TRPC4: variants seen among roughly 807,000 people sequenced by gnomAD.
TRPC4 encodes short transient receptor potential channel 4.
TRPC4 carries 49 observed loss-of-function variants against 99.4 expected under a neutral mutation model. That is an observed-to-expected ratio of 0.49 (90% CI 0.39 to 0.63). The LOEUF is 0.63. Among genes scored for constraint, TRPC4 ranks in the 20% least tolerant of loss-of-function variants. The probability of loss-of-function intolerance (pLI) is 0.00; values close to 1 mark genes in which losing one functional copy is unlikely to be tolerated. For missense variants in TRPC4, 898 were observed against 1,152.9 expected (o/e 0.78, Z 3.20); for synonymous variants, 454 against 425.9 (o/e 1.07, Z -0.81).
intron 1 of TRPC4, among the ~76,000 whole-genome samples, chr13:37,855,740 T>C (rs1959168122): frequency 6.6e-6 from 1 of 151,864 alleles, no homozygotes; most frequent in Non-Finnish European, 1.5e-5. Flanking sequence ...TTTTGGAAAC[T>C]ATTCAAACAC....
At chr13:37,832,389 A>G (rs1204220199) in intron 1 of TRPC4, among the ~76,000 whole-genome samples, 3 of 152,060 alleles carry the variant, frequency 2.0e-5, no homozygotes, top group Non-Finnish European at 4.4e-5. Flanking sequence ...TAAAAATAAA[A>G]AAGAAAATTA....
intron 1 of TRPC4, among the ~76,000 whole-genome samples, chr13:37,847,762 C>G (rs182812704): frequency 2.0e-5 from 3 of 152,118 alleles, no homozygotes; most frequent in East Asian, 3.9e-4. Flanking sequence ...AAATACTGTA[C>G]GATCTCATTT....
chr13:37,756,094 G>A (rs1443813888), intron 2 of TRPC4, among the ~76,000 whole-genome samples: 1 of 151,990 alleles, frequency 6.6e-6, no homozygotes, highest in Non-Finnish European at 1.5e-5. Flanking sequence ...TTTATATAGA[G>A]TTATATTTAA....
chr13:37,792,758 T>A (rs923778488), intron 1 of TRPC4, among the ~76,000 whole-genome samples: 1 of 127,962 alleles, frequency 7.8e-6, no homozygotes, highest in Non-Finnish European at 1.8e-5. Flanking sequence ...TGTGTGTGTG[T>A]GTACGTGGAT....
intron 2 of TRPC4, among the ~76,000 whole-genome samples, chr13:37,748,795 A>C (rs149193421): frequency 6.6e-6 from 1 of 152,116 alleles, no homozygotes; most frequent in African/African-American, 2.4e-5. Flanking sequence ...AAAAAATAAC[A>C]GTGTAAAAGT....
At chr13:37,803,509 A>G (rs1377372561) in intron 1 of TRPC4, among the ~76,000 whole-genome samples, 1 of 152,120 alleles carries the variant, frequency 6.6e-6, no homozygotes, top group African/African-American at 2.4e-5. Flanking sequence ...GGTGAAGAGT[A>G]AACATATAAA....
intron 1 of TRPC4, among the ~76,000 whole-genome samples, chr13:37,812,611 A>G (rs2139484610): frequency 6.6e-6 from 1 of 152,244 alleles, no homozygotes; most frequent in South Asian, 2.1e-4. Flanking sequence ...AAAAATTAAA[A>G]GAGCATTATT....
intron 1 of TRPC4, among the ~76,000 whole-genome samples, chr13:37,825,113 G>T (rs1171079542): frequency 6.6e-6 from 1 of 151,716 alleles, no homozygotes; most frequent in Non-Finnish European, 1.5e-5. Flanking sequence ...GGGATCAGTG[G>T]TGATATCCCC....
chr13:37,839,069 G>A (rs762130460), intron 1 of TRPC4, among the ~76,000 whole-genome samples: 3 of 152,150 alleles, frequency 2.0e-5, no homozygotes, highest in African/African-American at 4.8e-5. Context: ...AGATTTCAAC[G>A]TAGTGACTAC....
chr13:37,727,439 A>G (rs1566124914), intron 3 of TRPC4, among the ~76,000 whole-genome samples: 1 of 152,044 alleles, frequency 6.6e-6, no homozygotes, highest in Non-Finnish European at 1.5e-5. Context: ...TAAGGGGGAA[A>G]TTTATGCCTA....
At chr13:37,831,191 G>A (rs575418545) in intron 1 of TRPC4, among the ~76,000 whole-genome samples, 1 of 151,900 alleles carries the variant, frequency 6.6e-6, no homozygotes, top group African/African-American at 2.4e-5. Context: ...TTCAATAATA[G>A]GAAAACAAAC....
At chr13:37,732,899 C>T (rs912850591) in intron 3 of TRPC4, among the ~76,000 whole-genome samples, 2 of 152,050 alleles carry the variant, frequency 1.3e-5, no homozygotes, top group African/African-American at 4.8e-5. Flanking sequence ...GAAGCAACTA[C>T]GGATTCAACT....
intron 3 of TRPC4, among the ~76,000 whole-genome samples, chr13:37,709,219 G>A (rs1275141404): frequency 6.6e-6 from 1 of 151,782 alleles, no homozygotes; most frequent in Non-Finnish European, 1.5e-5. Context: ...TTTGAGTTGA[G>A]GAATGGGAAC....
At chr13:37,699,450 T>C (rs993723906) in intron 3 of TRPC4, among the ~76,000 whole-genome samples, 1 of 152,196 alleles carries the variant, frequency 6.6e-6, no homozygotes, top group Admixed American at 6.5e-5. Flanking sequence ...AACTGAAGCA[T>C]AAGGGAATAC....
intron 1 of TRPC4, among the ~76,000 whole-genome samples, chr13:37,784,435 T>G (rs752155087): frequency 1.4e-4 from 21 of 152,228 alleles, no homozygotes; most frequent in Middle Eastern, 6.9e-3. Context: ...TCTGGTATCG[T>G]CCTAGTGATA....
intron 1 of TRPC4, among the ~76,000 whole-genome samples, chr13:37,827,744 C>A (rs978770468): frequency 1.3e-5 from 2 of 149,982 alleles, no homozygotes; most frequent in African/African-American, 4.9e-5. Context: ...TGCCCTGCCC[C>A]CAGAGGTGGA....
intron 3 of TRPC4, among the ~76,000 whole-genome samples, chr13:37,724,161 T>C (rs761618649): frequency 1.3e-5 from 2 of 152,164 alleles, no homozygotes; most frequent in Non-Finnish European, 2.9e-5. Flanking sequence ...CTCTAAGACA[T>C]ATTTTTCAAA....
chr13:37,750,206 T>C (rs1320747842), intron 2 of TRPC4, among the ~76,000 whole-genome samples: 1 of 152,206 alleles, frequency 6.6e-6, no homozygotes, highest in South Asian at 2.1e-4. Context: ...ATTTCTATTT[T>C]ATTTCATTTC....
chr13:37,658,427 T>C lies in TRPC4; in HGVS notation c.1689-3144A>G, dbSNP rs7991078. Among the ~76,000 whole-genome samples, 465 of 152,320 alleles carry C rather than the reference T, an allele frequency of 3.1e-3. 5 individuals carry two copies. Among genetic ancestry groups the C allele is most frequent in the African/African-American group, 0.011 (443 of 41,576 alleles). On this transcript the variant is annotated intron_variant, in intron 6 of 10. Coordinates refer to ENST00000379705, the MANE Select transcript of TRPC4 (RefSeq NM_016179.4). Reference sequence around the variant, plus strand: ...CAGAAGAATTGAACGTGTAAAAAAGTAATGTATTCCATTGTTGAAATTTTC... The same window carrying C: ...CAGAAGAATTGAACGTGTAAAAAAGCAATGTATTCCATTGTTGAAATTTTC...
Sources: gnomAD v4.1 joint callset for allele counts (sites outside exome capture counted in the v4.1 genomes callset) on GRCh38, gnomAD v4.1.1 for gene constraint, MANE v1.5 for transcripts, NCBI Gene and HGNC (gene_info 2026-07-23, HGNC 2026-07-21) for gene names.